Variants in POMT2 observed in about 807,000 individuals in gnomAD.
POMT2 encodes the protein protein O-mannosyl-transferase 2.
POMT2 carries 75 observed loss-of-function variants against 100.0 expected under a neutral mutation model. The ratio of observed to expected loss-of-function variants is 0.75; its 90% CI spans 0.62 to 0.91. The LOEUF (loss-of-function observed/expected upper bound fraction) is 0.91. POMT2 is among the 40% of genes least tolerant of loss of function. POMT2 has a pLI of 0.00. For missense variants in POMT2, 940 were observed against 955.1 expected, an observed-to-expected ratio of 0.98 and a Z score of 0.21; for synonymous variants, 378 against 374.1, an observed-to-expected ratio of 1.01 and a Z score of -0.12.
intron 13 of POMT2, 64 bp from the exon 14 acceptor site, chr14:77,285,105 G>C: frequency 7.5e-6 from 10 of 1,332,510 alleles, no homozygotes; most frequent in African/African-American, 1.4e-5. Context: ...GAGTGACACT[G>C]TCTTCTGCTC....
At position 77,320,283 on chromosome 14, in the gene POMT2, C is replaced by T. The variant is rs8177535; in HGVS notation, c.248+151G>A. On this transcript the variant is annotated intron_variant, in intron 1 of 20. Transcript: ENST00000261534. ...GATCCCCCTCCCAGAGAATGCACCT[C>T]GCCAGAGGCCAACCCACCCGATACC... The T allele has an allele frequency of 0.012, 16,173 of 1,360,466 alleles. 1,205 individuals are homozygous for T. In the African/African-American group the frequency reaches 0.18, roughly 15 times the overall value. 84.3% of individuals were successfully genotyped at this position (1,360,466 alleles called of 1,614,324 possible).
At chr14:77,301,364 G>A in intron 5 of POMT2, 115 bp from the exon 6 acceptor site, 1 of 1,389,982 alleles carries the variant, frequency 7.2e-7, no homozygotes, top group East Asian at 2.4e-5. Flanking sequence ...GCCCTGTCTT[G>A]GGGGCTCTTA....
intron 3 of POMT2, 134 bp from the exon 4 acceptor site, chr14:77,304,934 A>G (rs946092409): frequency 9.6e-6 from 14 of 1,450,884 alleles, no homozygotes; most frequent in African/African-American, 2.8e-5. Context: ...GTCACCTAGG[A>G]TATCTATAAC....
intron 15 of POMT2, among the ~76,000 whole-genome samples, chr14:77,283,510 G>T (rs1359931620): frequency 6.6e-6 from 1 of 152,220 alleles, no homozygotes; most frequent in African/African-American, 2.4e-5. Flanking sequence ...AACTGGGAAT[G>T]ATGGCAACCT....
intron 15 of POMT2, among the ~76,000 whole-genome samples, chr14:77,281,515 A>C (rs1890234310): frequency 1.3e-5 from 2 of 152,150 alleles, no homozygotes; most frequent in Admixed American, 6.6e-5. Flanking sequence ...TACAGGGCAA[A>C]CCAGGTCTTT....
rs141977284 is a variant in POMT2, at chr14:77,305,645, G to C, written c.438+692C>G. On this transcript the variant is annotated intron_variant, in intron 3 of 20. Coordinates refer to ENST00000261534, the MANE Select transcript of POMT2 (RefSeq NM_013382.7). ...TGCTGTGAAATCCTCAAGGAAAGGG[G>C]CTTGTAAATGCAAACTTCTCTGAGA... Among the ~76,000 whole-genome samples, 434 of 152,332 alleles carry C rather than the reference G, an allele frequency of 2.8e-3. 2 individuals are homozygous for C. Among genetic ancestry groups the C allele is most frequent in the African/African-American group, 9.7e-3 (404 of 41,568 alleles).
rs1891097452 is a variant in POMT2, at chr14:77,302,921, G to C, written c.570C>G (p.Ser190=). The change falls in exon 5 of 21, where the codon TCC becomes TCG. Residue 190 remains serine (S), a synonymous_variant. Coordinates refer to ENST00000261534, the MANE Select transcript of POMT2 (RefSeq NM_013382.7). Reference sequence around the variant, plus strand: ...GGATGGGGTCAAGGAGGATGTACTGGGACAGAGTGAGGCATCCCGTGTCTG... The same window carrying C: ...GGATGGGGTCAAGGAGGATGTACTGCGACAGAGTGAGGCATCCCGTGTCTG... The part of the protein sequence containing the change: ...LTFDTGCLTL[S]QYILLDPILM... 1 of 1,613,298 alleles carries C rather than the reference G, an allele frequency of 6.2e-7. No individual in the cohort carries two copies. Among genetic ancestry groups the C allele is most frequent in the Non-Finnish European group, 8.5e-7 (1 of 1,179,466 alleles).
chr14:77,288,936 G>C, intron 10 of POMT2, 105 bp from the exon 11 acceptor site: 2 of 972,810 alleles, frequency 2.1e-6, no homozygotes, highest in Non-Finnish European at 3.3e-6. Flanking sequence ...ATCTGCTAGA[G>C]GTACTAACCA....
Position 77,279,882 on chromosome 14 carries a change from G to A in POMT2, c.1832C>T (p.Ser611Leu), listed in dbSNP as rs776308682. ...CATGGCTACAGCAATGATGCTCCCT[G>A]AGAGGAGGTAGAGGGCGATGCTCAA... ...NLLSIALYLLSGSIIAVAMQR... is the reference protein window; with the variant it reads ...NLLSIALYLLLGSIIAVAMQR... Residue 611 changes from serine to leucine, a missense_variant, in exon 18 of 21, where the codon TCA (serine) becomes TTA (leucine). Ser to Leu is a moderately radical substitution (Grantham distance 145). Coordinates refer to ENST00000261534, the MANE Select transcript of POMT2 (RefSeq NM_013382.7). 6.2e-7 allele frequency: 1 copy of A among 1,614,076 alleles called. No homozygotes were observed. Among genetic ancestry groups the A allele is most frequent in the South Asian group, 1.1e-5 (1 of 91,076 alleles).
At position 77,306,451 on chromosome 14, in the gene POMT2, G is replaced by A. The variant is rs1891232774; in HGVS notation, c.334-10C>T. On this transcript the variant is annotated splice_polypyrimidine_tract_variant and intron_variant, in intron 2 of 20. Transcript: ENST00000261534. ...CAAGACCTATCAGCATCTGAGGAGA[G>A]AAGAACAAACAAAAAGATGAGAAGC... is the stretch of plus-strand genomic sequence containing the variant. 1.2e-6 allele frequency: 2 copies of A among 1,611,470 alleles called. No homozygotes were observed. Among genetic ancestry groups the A allele is most frequent in the Non-Finnish European group, 1.7e-6 (2 of 1,177,912 alleles).
intron 1 of POMT2, chr14:77,319,490 T>G (rs1891760192): frequency 1.3e-5 from 2 of 152,230 alleles, no homozygotes; most frequent in Admixed American, 1.3e-4. Flanking sequence ...AGGCCCTGAC[T>G]GCATCTCACC....
At chr14:77,307,756 T>C (rs1214415817) in intron 2 of POMT2, among the ~76,000 whole-genome samples, 1 of 152,102 alleles carries the variant, frequency 6.6e-6, no homozygotes, top group Non-Finnish European at 1.5e-5. Flanking sequence ...AGAGGTGCTA[T>C]TAAGTAAACA....
At chr14:77,318,423 C>A (rs555462448) in intron 1 of POMT2, among the ~76,000 whole-genome samples, 1 of 152,236 alleles carries the variant, frequency 6.6e-6, no homozygotes, top group South Asian at 2.1e-4. Context: ...AACTCCCAAA[C>A]GCAGACCTCC....
chr14:77,304,916 G>A, intron 3 of POMT2, 116 bp from the exon 4 acceptor site: 8 of 1,511,568 alleles, frequency 5.3e-6, no homozygotes, highest in South Asian at 3.6e-5. Flanking sequence ...TGACTTTGGT[G>A]ACCTAAAGTC....
chr14:77,289,163 G>A (rs1361930911), intron 10 of POMT2, among the ~76,000 whole-genome samples: 1 of 151,880 alleles, frequency 6.6e-6, no homozygotes, highest in Non-Finnish European at 1.5e-5. Context: ...GACCGAGGCG[G>A]GCAGAACACC....
chr14:77,275,748 G>A lies in POMT2; in HGVS notation c.*1628C>T, dbSNP rs1196951678. ...CGCACAGACAGCGCTTCCTGCTGGG[G>A]GAAGTCAAAAGGGCTGTAGCAGTGG... On this transcript the variant is annotated 3_prime_UTR_variant, in exon 21 of 21. Coordinates refer to ENST00000261534, the MANE Select transcript of POMT2 (RefSeq NM_013382.7). The A allele has an allele frequency of 2.0e-5, 3 of 152,270 alleles. No individual in the cohort carries two copies. Among genetic ancestry groups the A allele is most frequent in the Non-Finnish European group, 1.5e-5 (1 of 68,050 alleles). The allele number at this position is 152,270 out of a possible 1,614,324, so 9.4% of individuals were successfully genotyped here. A position where few individuals can be genotyped will look rare whatever the true frequency, so the allele number is the denominator to read the frequency against.
intron 2 of POMT2, among the ~76,000 whole-genome samples, chr14:77,310,395 A>C (rs924831201): frequency 2.6e-5 from 4 of 152,224 alleles, no homozygotes; most frequent in Admixed American, 2.6e-4. Context: ...TGAGGCTTAC[A>C]TGAGATAATG....
At position 77,299,563 on chromosome 14, in the gene POMT2, T is replaced by C; in HGVS notation, c.817-2A>G. The stretch of plus-strand genomic sequence containing the variant: ...AGTCAGGTGTTTTCCCACAGTCACC[T>C]GCAAACAGAGGCCAGCGTGGGGTGC... On this transcript the variant is annotated splice_acceptor_variant, in intron 6 of 20. Transcript: ENST00000261534. LOFTEE classifies it high-confidence loss of function. 6.2e-7 allele frequency: 1 copy of C among 1,613,898 alleles called. No homozygotes were observed.
At chr14:77,289,545 G>A (rs1210299022) in intron 10 of POMT2, among the ~76,000 whole-genome samples, 2 of 152,184 alleles carry the variant, frequency 1.3e-5, no homozygotes, top group Non-Finnish European at 2.9e-5. Flanking sequence ...TTTACCCGAT[G>A]AGGCACTGAA....
Sources: allele counts gnomAD v4.1 joint callset (sites outside exome capture counted in the v4.1 genomes callset), GRCh38; gene constraint gnomAD v4.1.1; transcripts MANE v1.5; gene names NCBI Gene and HGNC (gene_info 2026-07-23, HGNC 2026-07-21).